The following TEKT5 variants were observed in gnomAD, a reference collection of about 807,000 sequenced individuals.
TEKT5 encodes the protein tektin-5.
TEKT5 carries 52 observed loss-of-function variants against 48.7 expected under a neutral mutation model. That is an observed-to-expected ratio of 1.07 (90% CI 0.86 to 1.35). The LOEUF is 1.35. TEKT5 is among the 40% of genes most tolerant of loss of function. TEKT5 has a pLI of 0.00. For synonymous variants in TEKT5, 318 were observed against 267.6 expected, an observed-to-expected ratio of 1.19 and a Z score of -1.84; for missense variants, 831 against 641.6, an observed-to-expected ratio of 1.30 and a Z score of -3.19.
Position 10,651,304 on chromosome 16 carries a change from C to T in TEKT5, c.1087-15386G>A, listed in dbSNP as rs143690015. 6.4e-3 allele frequency among the ~76,000 whole-genome samples: 970 copies of T among 152,302 alleles called. 8 individuals are homozygous for T. The highest frequency in any genetic ancestry group is 0.021 in the African/African-American group (892 of 41,562). On this transcript the variant is annotated intron_variant, in intron 5 of 6. Coordinates refer to ENST00000283025, the MANE Select transcript of TEKT5 (RefSeq NM_144674.2). Reference sequence around the variant, plus strand: ...AGTTTAAACTGCAGCCCTAACCAGCCAGCACCCCCAATCGCCTGCTTCTCT... The same window carrying T: ...AGTTTAAACTGCAGCCCTAACCAGCTAGCACCCCCAATCGCCTGCTTCTCT...
At chr16:10,639,397 A>G (rs964209876) in intron 5 of TEKT5, among the ~76,000 whole-genome samples, 7 of 152,222 alleles carry the variant, frequency 4.6e-5, no homozygotes, top group Non-Finnish European at 8.8e-5. Flanking sequence ...CAGATTGGGA[A>G]TAATAGGAGT....
At chr16:10,664,672 C>T (rs1003718582) in intron 5 of TEKT5, among the ~76,000 whole-genome samples, 1 of 152,248 alleles carries the variant, frequency 6.6e-6, no homozygotes, top group Non-Finnish European at 1.5e-5. Flanking sequence ...CCTGCACCTT[C>T]TCACTTGTTC....
chr16:10,680,417 G>A (rs921236884), intron 4 of TEKT5, among the ~76,000 whole-genome samples: 2 of 150,282 alleles, frequency 1.3e-5, no homozygotes, highest in Non-Finnish European at 2.9e-5. Flanking sequence ...AAAATTTATT[G>A]CATACCAACA....
chr16:10,691,937 G>C (rs886164887), intron 1 of TEKT5, among the ~76,000 whole-genome samples: 18 of 128,694 alleles, frequency 1.4e-4, no homozygotes, highest in Non-Finnish European at 2.7e-4. Context: ...AACAGAGCGA[G>C]AGTCCATCTC....
chr16:10,694,293 C>T lies in TEKT5; in HGVS notation c.564+17G>A, dbSNP rs777846313. ...CCCAGGACACAGCCACAGCCCTGTC[C>T]CCACCCCTGTACTCACCTGCAATGG... On this transcript the variant is annotated intron_variant, in intron 1 of 6. Coordinates refer to ENST00000283025, the MANE Select transcript of TEKT5 (RefSeq NM_144674.2). 6.4e-7 allele frequency: 1 copy of T among 1,555,592 alleles called. No individual in the cohort carries two copies. The highest frequency in any genetic ancestry group is 1.2e-5 in the South Asian group (1 of 81,808).
chr16:10,638,766 C>T (rs74007178), intron 5 of TEKT5, among the ~76,000 whole-genome samples: 3,428 of 152,218 alleles, frequency 0.023, 132 homozygotes, highest in African/African-American at 0.079. Flanking sequence ...ACCCTGTTCA[C>T]CATAATTAAT....
chr16:10,658,354 A>G lies in TEKT5; in HGVS notation c.1086+17605T>C, dbSNP rs2541521. On this transcript the variant is annotated intron_variant, in intron 5 of 6. Coordinates refer to ENST00000283025, the MANE Select transcript of TEKT5 (RefSeq NM_144674.2). ...TTCATAACAACTTAAACATCTATCAACAGGAGGATGGATCAATTGTGGAAT... is the reference window on the plus strand; with the variant it reads ...TTCATAACAACTTAAACATCTATCAGCAGGAGGATGGATCAATTGTGGAAT... 7.9e-3 allele frequency among the ~76,000 whole-genome samples: 1,207 copies of G among 152,328 alleles called. 16 individuals are homozygous for G. The highest frequency in any genetic ancestry group is 0.028 in the African/African-American group (1,165 of 41,566).
intron 5 of TEKT5, among the ~76,000 whole-genome samples, chr16:10,658,387 C>A (rs1287143339): frequency 6.6e-6 from 1 of 152,200 alleles, no homozygotes; most frequent in African/African-American, 2.4e-5. Flanking sequence ...AATAGCCCCA[C>A]AATAGACCAC....
chr16:10,680,475 CAGA>C (rs1854770738), intron 4 of TEKT5, among the ~76,000 whole-genome samples: 1 of 146,338 alleles, frequency 6.8e-6, no homozygotes, highest in Admixed American at 6.8e-5. Context: ...TTTTTTTTAA[CAGA>C]AGAAGGCAGA....
chr16:10,669,538 A>T (rs1398337150), intron 5 of TEKT5, among the ~76,000 whole-genome samples: 1 of 152,222 alleles, frequency 6.6e-6, no homozygotes, highest in Non-Finnish European at 1.5e-5. Context: ...AGATGGTCAG[A>T]AGCAATGAAG....
intron 5 of TEKT5, among the ~76,000 whole-genome samples, chr16:10,660,468 C>T (rs1035127424): frequency 1.1e-4 from 16 of 152,174 alleles, no homozygotes; most frequent in African/African-American, 3.9e-4. Context: ...TCAGCCCTAA[C>T]ACAAACCAAC....
chr16:10,667,673 C>G (rs1481128708), intron 5 of TEKT5, among the ~76,000 whole-genome samples: 1 of 152,106 alleles, frequency 6.6e-6, no homozygotes, highest in African/African-American at 2.4e-5. Context: ...ATTTCAGGTA[C>G]TGGGCAGCAT....
At chr16:10,664,552 T>G (rs1898427691) in intron 5 of TEKT5, among the ~76,000 whole-genome samples, 1 of 152,162 alleles carries the variant, frequency 6.6e-6, no homozygotes, top group Admixed American at 6.5e-5. Flanking sequence ...CTGGGGAGTT[T>G]TAAAAAGATC....
At chr16:10,689,760 T>A (rs573025007) in intron 2 of TEKT5, among the ~76,000 whole-genome samples, 182 bp downstream of exon 2, 5 of 152,234 alleles carry the variant, frequency 3.3e-5, no homozygotes, top group South Asian at 2.1e-4. Flanking sequence ...GAGGGTCAAA[T>A]AACTCCATTA....
At chr16:10,681,370 ACTCTCTGTCTCTCTCTCT>A (rs1324771486) in intron 4 of TEKT5, among the ~76,000 whole-genome samples, 72 of 148,032 alleles carry the variant, frequency 4.9e-4, no homozygotes, top group African/African-American at 1.7e-3. Context: ...TCCAGATTCC[ACTCTCTGTCTCTCTCTCT>A]CTCTCTCTCT....
At chr16:10,675,843 A>G in intron 5 of TEKT5, 116 bp downstream of exon 5, 1 of 976,488 alleles carries the variant, frequency 1.0e-6, no homozygotes, top group Non-Finnish European at 1.6e-6. Flanking sequence ...CTTGGGAGAG[A>G]GGGTACTGCT....
At chr16:10,667,743 A>G (rs548579316) in intron 5 of TEKT5, among the ~76,000 whole-genome samples, 3 of 152,220 alleles carry the variant, frequency 2.0e-5, no homozygotes, top group Non-Finnish European at 4.4e-5. Flanking sequence ...TTTTTCTTCA[A>G]ATCAGCCTGT....
intron 5 of TEKT5, among the ~76,000 whole-genome samples, chr16:10,668,905 G>A (rs1412520078): frequency 6.6e-6 from 1 of 151,810 alleles, no homozygotes; most frequent in East Asian, 2.0e-4. Flanking sequence ...GAGTGGTGGG[G>A]TCTGAGGCTA....
At chr16:10,692,123 A>G (rs941781493) in intron 1 of TEKT5, among the ~76,000 whole-genome samples, 1 of 152,026 alleles carries the variant, frequency 6.6e-6, no homozygotes, top group Non-Finnish European at 1.5e-5. Context: ...TGAGATGTCG[A>G]TGGTCCCCCT....
Sources: allele counts gnomAD v4.1 joint callset (sites outside exome capture counted in the v4.1 genomes callset), GRCh38; gene constraint gnomAD v4.1.1; transcripts MANE v1.5; gene names NCBI Gene and HGNC (gene_info 2026-07-23, HGNC 2026-07-21).